Variants in TET1 observed in about 807,000 individuals in gnomAD.
TET1 encodes tet methylcytosine dioxygenase 1.
Under a neutral mutation model 148.7 loss-of-function variants are expected in TET1, and 13 were observed. The ratio of observed to expected loss-of-function variants is 0.09; its 90% CI spans 0.06 to 0.14. The LOEUF is 0.14. TET1 is among the 10% of genes least tolerant of loss of function. TET1 has a pLI of 1.00. For missense variants in TET1, 2,182 were observed against 2,553.8 expected, an observed-to-expected ratio of 0.85 and a Z score of 3.14; for synonymous variants, 907 against 937.2, an observed-to-expected ratio of 0.97 and a Z score of 0.59.
At chr10:68,635,169 T>A (rs1043481407) in intron 3 of TET1, among the ~76,000 whole-genome samples, 2 of 151,726 alleles carry the variant, frequency 1.3e-5, no homozygotes, top group Non-Finnish European at 2.9e-5. Flanking sequence ...AATTACTAGG[T>A]TTTTCTCAAA....
chr10:68,620,614 A>G (rs2054356740), intron 3 of TET1, among the ~76,000 whole-genome samples: 4 of 151,314 alleles, frequency 2.6e-5, no homozygotes, highest in Admixed American at 2.6e-4. Flanking sequence ...TTTAACTACT[A>G]TGAAGAATCC....
intron 11 of TET1, among the ~76,000 whole-genome samples, chr10:68,688,772 C>T: frequency 6.6e-6 from 1 of 151,900 alleles, no homozygotes; most frequent in Non-Finnish European, 1.5e-5. Flanking sequence ...TTGTTCCAGG[C>T]TTATCTATAT....
At chr10:68,635,279 T>G (rs1286472749) in intron 3 of TET1, among the ~76,000 whole-genome samples, 1 of 151,992 alleles carries the variant, frequency 6.6e-6, no homozygotes, top group Non-Finnish European at 1.5e-5. Flanking sequence ...AATAAGTCAG[T>G]TCATTTCAAC....
chr10:68,686,351 A>T lies in TET1; in HGVS notation c.5053-5A>T. 6.3e-7 allele frequency: 1 copy of T among 1,583,280 alleles called. No homozygotes were observed. Among genetic ancestry groups the T allele is most frequent in the Non-Finnish European group, 8.6e-7 (1 of 1,163,072 alleles). On this transcript the variant is annotated splice_region_variant and splice_polypyrimidine_tract_variant and intron_variant, in intron 10 of 11. Coordinates refer to ENST00000373644, the MANE Select transcript of TET1 (RefSeq NM_030625.3). ...TTTCCCATTTCATGTTTTTCTCCCTATCAGGTTTGTACCTTAACTCGAGAA... is the reference window on the plus strand; with the variant it reads ...TTTCCCATTTCATGTTTTTCTCCCTTTCAGGTTTGTACCTTAACTCGAGAA...
At position 68,691,767 on chromosome 10, in the gene TET1, C is replaced by G. The variant is rs2133252543; in HGVS notation, c.6364C>G (p.Pro2122Ala). 1 of 1,613,886 alleles carries G rather than the reference C, an allele frequency of 6.2e-7. No individual in the cohort carries two copies. The highest frequency in any genetic ancestry group is 2.2e-5 in the East Asian group (1 of 44,888). The change falls in exon 12 of 12, where the codon CCT becomes GCT. Residue 2122 changes from proline (P) to alanine (A), a missense_variant. Physicochemically the swap from Pro to Ala is conservative, Grantham distance 27 (BLOSUM62 -1). Around this residue, in one of 11 missense-constraint regions of TET1, gnomAD observed 20 missense variants for 42.3 expected, o/e 0.47. Transcript: ENST00000373644. The surrounding 1 kb of genome is among the most constrained non-coding windows in gnomAD (Gnocchi z 4.4). ...CCATGACAATGTTGTCACCGTGTCC[C>G]CTTATGCTCTCACACACGTTGCGGG... is the stretch of plus-strand genomic sequence containing the variant. Reference protein sequence around the residue: ...LTHDNVVTVSPYALTHVAGPY... With the variant: ...LTHDNVVTVSAYALTHVAGPY...
intron 3 of TET1, among the ~76,000 whole-genome samples, chr10:68,606,582 C>A (rs2054127671): frequency 6.6e-6 from 1 of 150,458 alleles, no homozygotes; most frequent in South Asian, 2.1e-4. Context: ...TAAGCTTGAC[C>A]ATCCTTCAGG....
chr10:68,592,538 C>G (rs114307008), intron 2 of TET1, among the ~76,000 whole-genome samples: 3,479 of 152,244 alleles, frequency 0.023, 53 homozygotes, highest in Middle Eastern at 0.051. Flanking sequence ...GCTGGCATCT[C>G]TTCATATGCA....
Position 68,574,267 on chromosome 10 carries a change from A to C in TET1, c.1914+15A>C. 6.2e-7 allele frequency: 1 copy of C among 1,602,590 alleles called. No individual in the cohort carries two copies. Among genetic ancestry groups the C allele is most frequent in the Non-Finnish European group, 8.5e-7 (1 of 1,175,390 alleles). On this transcript the variant is annotated intron_variant, in intron 2 of 11. Coordinates refer to ENST00000373644, the MANE Select transcript of TET1 (RefSeq NM_030625.3). ...TGCCTCTGGAGGTAAGCAAACAGTC[A>C]AGGGGCTGGGAGACAGCTGACACTT... is the stretch of plus-strand genomic sequence containing the variant.
Position 68,646,681 on chromosome 10 carries a change from C to G in TET1, c.3952C>G (p.Gln1318Glu). The G allele has an allele frequency of 1.9e-6, 3 of 1,614,128 alleles. No individual in the cohort carries two copies. Among genetic ancestry groups the G allele is most frequent in the Non-Finnish European group, 2.5e-6 (3 of 1,180,024 alleles). Reference sequence around the variant, plus strand: ...TGCTAACGTGATGGCAGGCGATGACCAAATACGGTTTCAGCAGGTTGTTAA... The same window carrying G: ...TGCTAACGTGATGGCAGGCGATGACGAAATACGGTTTCAGCAGGTTGTTAA... Reference protein sequence around the residue: ...QCANVMAGDDQIRFQQVVKEQ... With the variant: ...QCANVMAGDDEIRFQQVVKEQ... The change falls in exon 4 of 12, where the codon CAA becomes GAA. Residue 1318 changes from glutamine (Q) to glutamate (E), a missense_variant. Coordinates refer to ENST00000373644, the MANE Select transcript of TET1 (RefSeq NM_030625.3).
intron 3 of TET1, among the ~76,000 whole-genome samples, chr10:68,605,344 A>G (rs1001214752): frequency 6.6e-6 from 1 of 152,122 alleles, no homozygotes. Context: ...GTAGTGGCGC[A>G]TGCCTGTAAT....
At position 68,622,025 on chromosome 10, in the gene TET1, A is replaced by G. The variant is rs543416096; in HGVS notation, c.1968+20991A>G. ...CCAACATCCCCAAATGTTATCTTAC[A>G]TAGCCTTAGTATCAGTCAAAACTAA... On this transcript the variant is annotated intron_variant, in intron 3 of 11. Transcript: ENST00000373644. Among the ~76,000 whole-genome samples the G allele has an allele frequency of 2.0e-5, 3 of 152,350 alleles. No individual in the cohort carries two copies. The South Asian group carries it at 6.2e-4, about 32-fold the overall frequency.
rs558397040 is a variant in TET1 at position 68,605,178 on chromosome 10, T to TA, written c.1968+4147dup. Among the ~76,000 whole-genome samples, 3 of 152,242 alleles carry TA rather than the reference T, an allele frequency of 2.0e-5. No individual in the cohort carries two copies. In the South Asian group the frequency reaches 6.2e-4, roughly 32 times the overall value. ...TTCCTTCATTCCTTGATGATGCTGA[T>TA]AAAGAACAAGTGGGGCCAGGAGAGT... On this transcript the variant is annotated intron_variant, in intron 3 of 11. Transcript: ENST00000373644.
chr10:68,623,562 A>G (rs1049256449), intron 3 of TET1, among the ~76,000 whole-genome samples: 10 of 152,222 alleles, frequency 6.6e-5, no homozygotes, highest in Non-Finnish European at 1.3e-4. Context: ...TACCTTTGAG[A>G]TCCTCTCAAC....
Position 68,691,980 on chromosome 10 carries a change from C to G in TET1, c.*166C>G. ...ACGGGGTGGGTATTCTTAACTGTGA[C>G]TATATTTTGACAATTGGTAGAAGGT... On this transcript the variant is annotated 3_prime_UTR_variant, in exon 12 of 12. Coordinates refer to ENST00000373644, the MANE Select transcript of TET1 (RefSeq NM_030625.3). The surrounding 1 kb of genome is among the most constrained non-coding windows in gnomAD (Gnocchi z 4.4). The G allele has an allele frequency of 1.3e-6, 1 of 771,712 alleles. No individual in the cohort carries two copies. Among genetic ancestry groups the G allele is most frequent in the Non-Finnish European group, 2.0e-6 (1 of 507,556 alleles). 47.8% of individuals were successfully genotyped at this position (771,712 alleles called of 1,614,324 possible).
chr10:68,588,749 G>A (rs1365454865), intron 2 of TET1, among the ~76,000 whole-genome samples: 1 of 151,894 alleles, frequency 6.6e-6, no homozygotes, highest in Non-Finnish European at 1.5e-5. Flanking sequence ...TTAATATTAA[G>A]GTGTTCCTTT....
intron 3 of TET1, among the ~76,000 whole-genome samples, chr10:68,622,208 TCCTTCCTTCCTTCCCTCCTTCCTC>T (rs771763731): frequency 0.031 from 4,284 of 136,028 alleles, 91 homozygotes; most frequent in Middle Eastern, 0.043. Context: ...CTTCCTTCCT[TCCTTCCTTCCTTCCCTCCTTCCTC>T]CCTTCCCTCC....
At chr10:68,588,034 T>C (rs1347165807) in intron 2 of TET1, among the ~76,000 whole-genome samples, 1 of 152,082 alleles carries the variant, frequency 6.6e-6, no homozygotes, top group African/African-American at 2.4e-5. Context: ...GGCTAATTTT[T>C]GTATTTTTAG....
intron 3 of TET1, among the ~76,000 whole-genome samples, chr10:68,625,653 C>T (rs1262309300): frequency 4.6e-5 from 7 of 152,186 alleles, no homozygotes; most frequent in Admixed American, 4.6e-4. Flanking sequence ...TTGGTCTTTG[C>T]AACCTTCCTT....
intron 1 of TET1, among the ~76,000 whole-genome samples, chr10:68,568,281 G>T (rs138383202): frequency 7.1e-6 from 1 of 141,720 alleles, no homozygotes; most frequent in African/African-American, 2.7e-5. Flanking sequence ...GGAGTGCAAT[G>T]GTGCGATCTT....
Sources: allele counts gnomAD v4.1 joint callset (sites outside exome capture counted in the v4.1 genomes callset), GRCh38; gene constraint gnomAD v4.1.1; regional missense constraint gnomAD v4.1.1; non-coding constraint Gnocchi (gnomAD v3.1); transcripts MANE v1.5; gene names NCBI Gene and HGNC (gene_info 2026-07-23, HGNC 2026-07-21).